TAFA2: variants seen among roughly 807,000 people sequenced by gnomAD.
TAFA2 encodes TAFA chemokine like family member 2.
TAFA2 carries 7 observed loss-of-function variants against 18.8 expected under a neutral mutation model. The observed-to-expected ratio is 0.37, with a 90% CI of 0.21 to 0.70. The LOEUF is 0.70. Among genes scored for constraint, TAFA2 ranks in the 30% least tolerant of loss-of-function variants. The pLI is 0.53. For missense variants in TAFA2, 122 were observed against 158.1 expected, an observed-to-expected ratio of 0.77 and a Z score of 1.23; for synonymous variants, 60 against 54.2, an observed-to-expected ratio of 1.11 and a Z score of -0.47.
chr12:61,795,495 C>G (rs897332059), intron 2 of TAFA2, among the ~76,000 whole-genome samples: 1 of 151,788 alleles, frequency 6.6e-6, no homozygotes, highest in Non-Finnish European at 1.5e-5. Flanking sequence ...AAACCAAACA[C>G]CACATGTTCT....
chr12:61,793,241 G>T (rs1871055962), intron 2 of TAFA2, among the ~76,000 whole-genome samples: 1 of 151,142 alleles, frequency 6.6e-6, no homozygotes, highest in South Asian at 2.1e-4. Flanking sequence ...GGACAAAGAG[G>T]CAATAATAAA....
intron 1 of TAFA2, among the ~76,000 whole-genome samples, chr12:62,149,784 A>C (rs1226658652): frequency 6.6e-6 from 1 of 152,090 alleles, no homozygotes; most frequent in Admixed American, 6.6e-5. Flanking sequence ...ACTCAGCCAC[A>C]AAAATGCTTT....
intron 2 of TAFA2, among the ~76,000 whole-genome samples, chr12:61,791,672 T>G (rs1405124520): frequency 6.6e-6 from 1 of 151,696 alleles, no homozygotes; most frequent in Non-Finnish European, 1.5e-5. Context: ...CAGTGAGATA[T>G]CAACTCACTC....
chr12:61,781,653 T>G (rs371647584), intron 2 of TAFA2, among the ~76,000 whole-genome samples: 1 of 151,422 alleles, frequency 6.6e-6, no homozygotes, highest in African/African-American at 2.4e-5. Context: ...CAATCCCTCA[T>G]GAAAAACAAA....
chr12:62,118,062 A>G (rs1412103162), intron 1 of TAFA2, among the ~76,000 whole-genome samples: 1 of 152,124 alleles, frequency 6.6e-6, no homozygotes, highest in Non-Finnish European at 1.5e-5. Flanking sequence ...CCCACATTCA[A>G]CTATGCAGTC....
intron 4 of TAFA2, among the ~76,000 whole-genome samples, chr12:61,729,831 G>A (rs184123388): frequency 1.3e-5 from 2 of 152,082 alleles, no homozygotes; most frequent in Non-Finnish European, 2.9e-5. Flanking sequence ...ATTTTTTCTG[G>A]TTCCTTCTCA....
intron 2 of TAFA2, among the ~76,000 whole-genome samples, chr12:61,820,886 G>C (rs1378751347): frequency 6.6e-6 from 1 of 151,874 alleles, no homozygotes. Context: ...TAAGTATATG[G>C]AGATTCTTAT....
intron 4 of TAFA2, among the ~76,000 whole-genome samples, chr12:61,735,871 T>C (rs1002159448): frequency 3.3e-5 from 5 of 152,034 alleles, no homozygotes; most frequent in Non-Finnish European, 5.9e-5. Context: ...ATTTGTGGAG[T>C]GATTGTGAGA....
intron 1 of TAFA2, among the ~76,000 whole-genome samples, chr12:62,243,751 C>T (rs967300560): frequency 6.6e-6 from 1 of 152,192 alleles, no homozygotes; most frequent in Non-Finnish European, 1.5e-5. Flanking sequence ...TGAACCATTA[C>T]AACATCTGCT....
At chr12:62,146,284 C>CTTTTTTTTTTT (rs11415151) in intron 1 of TAFA2, among the ~76,000 whole-genome samples, 1 of 117,718 alleles carries the variant, frequency 8.5e-6, no homozygotes, top group Admixed American at 1.0e-4. Flanking sequence ...CCCTTTGCTG[C>CTTTTTTTTTTT]TTTTTTTTTT....
chr12:62,067,666 T>G (rs975261819), intron 1 of TAFA2, among the ~76,000 whole-genome samples: 1 of 152,084 alleles, frequency 6.6e-6, no homozygotes, highest in African/African-American at 2.4e-5. Context: ...TCTGTTCCAC[T>G]GATCTATGTC....
At chr12:62,081,643 C>A (rs1222090915) in intron 1 of TAFA2, among the ~76,000 whole-genome samples, 1 of 152,034 alleles carries the variant, frequency 6.6e-6, no homozygotes, top group Non-Finnish European at 1.5e-5. Flanking sequence ...CGCCACCACA[C>A]CTGGCTAATT....
chr12:61,840,756 G>A (rs1268767192), intron 2 of TAFA2, among the ~76,000 whole-genome samples: 2 of 151,938 alleles, frequency 1.3e-5, no homozygotes, highest in Admixed American at 1.3e-4. Flanking sequence ...TTTCTAGAGG[G>A]GTTGAATTCA....
At chr12:62,033,305 A>C (rs1348803682) in intron 1 of TAFA2, among the ~76,000 whole-genome samples, 1 of 152,228 alleles carries the variant, frequency 6.6e-6, no homozygotes, top group East Asian at 1.9e-4. Flanking sequence ...CCATGAACTA[A>C]GGAATTCCCA....
At chr12:61,792,408 C>T (rs1871018867) in intron 2 of TAFA2, among the ~76,000 whole-genome samples, 3 of 151,358 alleles carry the variant, frequency 2.0e-5, no homozygotes, top group African/African-American at 2.4e-5. Flanking sequence ...AATGTGGCCA[C>T]CACAGAGATG....
intron 1 of TAFA2, among the ~76,000 whole-genome samples, chr12:62,050,453 T>C (rs1177361890): frequency 6.6e-6 from 1 of 151,706 alleles, no homozygotes; most frequent in South Asian, 2.1e-4. Flanking sequence ...GCACCTATAG[T>C]CACAGCTACT....
At chr12:61,811,200 A>G (rs1871854232) in intron 2 of TAFA2, among the ~76,000 whole-genome samples, 1 of 151,464 alleles carries the variant, frequency 6.6e-6, no homozygotes, top group African/African-American at 2.5e-5. Flanking sequence ...CATTATTTTT[A>G]TAATTTGGCT....
chr12:61,819,109 T>C (rs1384087189), intron 2 of TAFA2, among the ~76,000 whole-genome samples: 5 of 152,212 alleles, frequency 3.3e-5, no homozygotes, highest in Admixed American at 3.3e-4. Context: ...CTACTGTTGA[T>C]GTTTATATTT....
At chr12:62,010,048 T>C (rs1880678550) in intron 1 of TAFA2, among the ~76,000 whole-genome samples, 1 of 152,192 alleles carries the variant, frequency 6.6e-6, no homozygotes, top group African/African-American at 2.4e-5. Flanking sequence ...AACACACCAT[T>C]CTCCATTAGC....
Sources: allele counts gnomAD v4.1 joint callset (sites outside exome capture counted in the v4.1 genomes callset), GRCh38; gene constraint gnomAD v4.1.1; transcripts MANE v1.5; gene names NCBI Gene and HGNC (gene_info 2026-07-23, HGNC 2026-07-21).